Variants in C12orf57 observed in about 807,000 individuals in gnomAD.
C12orf57 encodes the protein chromosome 12 open reading frame 57.
C12orf57 carries 14 observed loss-of-function variants against 11.3 expected under a neutral mutation model. The ratio of observed to expected loss-of-function variants is 1.24; its 90% confidence interval spans 0.82 to 1.94. C12orf57 has a LOEUF of 1.94. Among genes scored for constraint, C12orf57 ranks in the 30% most tolerant of loss-of-function variants. C12orf57 has a pLI of 0.00. For missense variants in C12orf57, 229 were observed against 172.4 expected, an observed-to-expected ratio of 1.33 and a Z score of -1.84; for synonymous variants, 100 against 74.6, an observed-to-expected ratio of 1.34 and a Z score of -1.76.
At chr12:6,945,726 C>T (rs1555146455) in intron 2 of C12orf57, 45 bp from the exon 3 acceptor site, 4 of 1,601,056 alleles carry the variant, frequency 2.5e-6, no homozygotes, top group Admixed American at 1.7e-5. Context: ...GTCTTAGGCA[C>T]GCTGGTCCTT....
chr12:6,943,835 G>C (rs782066592), upstream of C12orf57: 26 of 877,374 alleles, frequency 3.0e-5, no homozygotes, highest in Non-Finnish European at 4.0e-5. Flanking sequence ...AGCTCTTTTA[G>C]AATTTGTCTA....
chr12:6,943,722 A>G (rs1323040676), upstream of C12orf57: 9 of 1,268,714 alleles, frequency 7.1e-6, no homozygotes, highest in Non-Finnish European at 9.2e-6. Context: ...CGTTGTTTAT[A>G]CAGTAATAGG....
chr12:6,945,414 A>G (rs142933965), intron 2 of C12orf57, among the ~76,000 whole-genome samples: 2 of 152,278 alleles, frequency 1.3e-5, no homozygotes, highest in Admixed American at 6.5e-5. Flanking sequence ...TGTTCCCCAA[A>G]GGTGTTGACT....
At chr12:6,943,852 T>G (rs1012635845), upstream of C12orf57, 90 of 905,712 alleles carry the variant, frequency 9.9e-5, no homozygotes, top group Admixed American at 4.1e-4. Flanking sequence ...TCTAGTAGGC[T>G]TTCTGGCTTT....
At chr12:6,943,958 G>T (rs112885868), upstream of C12orf57, 17 of 1,524,662 alleles carry the variant, frequency 1.1e-5, no homozygotes, top group Middle Eastern at 2.0e-4. Flanking sequence ...TGATGCAGTT[G>T]TAAGCTTGGG....
At chr12:6,945,037 G>T in intron 2 of C12orf57, 1 of 416,742 alleles carries the variant, frequency 2.4e-6, no homozygotes. Context: ...ATAATAGTCT[G>T]AATAATTTTG....
At position 6,945,991 on chromosome 12, in the gene C12orf57, G is replaced by T; in HGVS notation, c.*69G>T. On this transcript the variant is annotated 3_prime_UTR_variant, in exon 3 of 3. Coordinates refer to ENST00000229281, the MANE Select transcript of C12orf57 (RefSeq NM_138425.4). ...TGATGTTCCAGACAATAATAAATGC[G>T]CCTGTGACTTAGCCTTGGTGTCAGT... is the stretch of plus-strand genomic sequence containing the variant. 2.0e-6 allele frequency: 3 copies of T among 1,528,114 alleles called. No individual in the cohort carries two copies. The South Asian group carries it at 3.5e-5, about 18-fold the overall frequency. 94.7% of individuals were successfully genotyped at this position (1,528,114 alleles called of 1,614,324 possible). A position where few individuals can be genotyped will look rare whatever the true frequency, so the allele number is the denominator to read the frequency against.
upstream of C12orf57, chr12:6,943,865 A>C (rs782760331): frequency 6.4e-6 from 6 of 934,032 alleles, no homozygotes; most frequent in South Asian, 3.5e-5. Flanking sequence ...CTGGCTTTTT[A>C]CCGGAAAGCC....
intron 2 of C12orf57, chr12:6,945,033 G>T (rs1555146276): frequency 2.3e-6 from 1 of 433,826 alleles, no homozygotes; most frequent in Non-Finnish European, 3.9e-6. Context: ...TTATATAATA[G>T]TCTGAATAAT....
At chr12:6,943,871 A>AAGCCCCTCTTATGAT, upstream of C12orf57, 1 of 955,382 alleles carries the variant, frequency 1.0e-6, no homozygotes, top group Non-Finnish European at 1.5e-6. Flanking sequence ...TTTTACCGGA[A>AAGCCCCTCTTATGAT]AGCCCCTCTT....
Position 6,944,556 on chromosome 12 carries a change from AACG to A in C12orf57, c.136_138del (p.Asp46del), listed in dbSNP as rs781925545. On this transcript the variant is annotated inframe_deletion, in exon 2 of 3. Coordinates refer to ENST00000229281, the MANE Select transcript of C12orf57 (RefSeq NM_138425.4). ...GGACGAGGCTCGGGATAACGCCTGCAACGACATGGGTAAGATGCTGCAATTCGT... is the reference window on the plus strand; with the variant it reads ...GGACGAGGCTCGGGATAACGCCTGCAACATGGGTAAGATGCTGCAATTCGT... 1.5e-4 allele frequency: 249 copies of A among 1,614,018 alleles called. No homozygotes were observed. Among genetic ancestry groups the A allele is most frequent in the Non-Finnish European group, 2.0e-4 (237 of 1,180,042 alleles).
Position 6,944,685 on chromosome 12 carries a change from G to A in C12orf57, c.229+33G>A. The A allele has an allele frequency of 1.9e-6, 3 of 1,590,742 alleles. No individual in the cohort carries two copies. In the East Asian group the frequency reaches 6.8e-5, roughly 36 times the overall value. ...AGACGCGGGAAGGCGGGTCAGACGC[G>A]GGAAGGCGGGAGTTGGGTCGGGAGA... On this transcript the variant is annotated intron_variant, in intron 2 of 2. Transcript: ENST00000229281.
chr12:6,943,869 G>GAAAGCCCCTCTTATGATGTTTGTTGCC (rs1945696382), upstream of C12orf57: 1 of 953,344 alleles, frequency 1.0e-6, no homozygotes, highest in South Asian at 1.7e-5. Context: ...CTTTTTACCG[G>GAAAGCCCCTCTTATGATGTTTGTTGCC]AAAGCCCCTC....
At chr12:6,943,822 T>C (rs782352036), upstream of C12orf57, 16 of 859,962 alleles carry the variant, frequency 1.9e-5, no homozygotes, top group South Asian at 3.6e-5. Flanking sequence ...GCAGCAGTGT[T>C]ACAGCTCTTT....
At chr12:6,945,743 A>G (rs1555146468) in intron 2 of C12orf57, 28 bp from the exon 3 acceptor site, 2 of 1,611,358 alleles carry the variant, frequency 1.2e-6, no homozygotes. Flanking sequence ...CCTTAGGAGA[A>G]GGGTTGACCT....
chr12:6,943,889 T>G (rs147736104), upstream of C12orf57: 366 of 1,054,542 alleles, frequency 3.5e-4, 1 homozygote, highest in Non-Finnish European at 4.3e-4. Context: ...CTTATGATGT[T>G]TGTTGCCAAT....
At position 6,945,951 on chromosome 12, in the gene C12orf57, G is replaced by A. The variant is rs782577262; in HGVS notation, c.*29G>A. 2 of 1,598,766 alleles carry A rather than the reference G, an allele frequency of 1.3e-6. No individual in the cohort carries two copies. The highest frequency in any genetic ancestry group is 8.5e-7 in the Non-Finnish European group (1 of 1,175,664). ...TTGGCCCTCCCTTGTGCCACTGCCA[G>A]GGGAGGAAAGGCCTTGATGTTCCAG... On this transcript the variant is annotated 3_prime_UTR_variant, in exon 3 of 3. Coordinates refer to ENST00000229281, the MANE Select transcript of C12orf57 (RefSeq NM_138425.4).
At chr12:6,943,879 C>CTTATG (rs1945697812), upstream of C12orf57, 1 of 1,006,156 alleles carries the variant, frequency 9.9e-7, no homozygotes. Context: ...GAAAGCCCCT[C>CTTATG]TTATGATGTT....
At chr12:6,944,830 C>CGAGTTT in intron 2 of C12orf57, 178 bp downstream of exon 2, 1 of 1,448,174 alleles carries the variant, frequency 6.9e-7, no homozygotes, top group Non-Finnish European at 9.1e-7. Context: ...CTTGTGCGTC[C>CGAGTTT]GAGTTGCGTT....
Sources: allele counts gnomAD v4.1 joint callset (sites outside exome capture counted in the v4.1 genomes callset), GRCh38; gene constraint gnomAD v4.1.1; transcripts MANE v1.5; gene names NCBI Gene and HGNC (gene_info 2026-07-23, HGNC 2026-07-21).